COL11A1: variants seen among roughly 807,000 people sequenced by gnomAD.
The protein encoded by COL11A1 is collagen type XI alpha 1 chain, also known as collagen alpha-1(XI) chain.
In COL11A1, 74 loss-of-function variants were observed where a neutral mutation model predicts 265.2. The ratio of observed to expected loss-of-function variants is 0.28; its 90% confidence interval spans 0.23 to 0.34. The LOEUF (loss-of-function observed/expected upper bound fraction) is 0.34. Among genes scored for constraint, COL11A1 ranks in the 10% least tolerant of loss-of-function variants. COL11A1 has a pLI of 1.00. For missense variants in COL11A1, 2,165 were observed against 2,263.6 expected, an observed-to-expected ratio of 0.96 and a Z score of 0.88; for synonymous variants, 816 against 727.6, an observed-to-expected ratio of 1.12 and a Z score of -1.96.
chr1:103,004,487 C>G lies in COL11A1; in HGVS notation c.1901G>C (p.Gly634Ala). ...TCTTGGTCCAATTTCTCCATCTTCT[C>G]CCTGTCATTGACAAAATGAATGAGA... ...PGPPGDDGMR[G>A]EDGEIGPRGL... The change falls in exon 20 of 67, where the codon GGA (glycine) becomes GCA (alanine). Residue 634 changes from glycine to alanine, a missense_variant and splice_region_variant. By Grantham distance (60) the Gly-to-Ala change is moderately conservative. Transcript: ENST00000370096. 6.2e-7 allele frequency: 1 copy of G among 1,611,716 alleles called. No homozygotes were observed. The highest frequency in any genetic ancestry group is 2.2e-5 in the East Asian group (1 of 44,796).
Position 102,947,026 on chromosome 1 carries a change from C to A in COL11A1, c.3169-70G>T, listed in dbSNP as rs116404387. 2.8e-4 allele frequency: 343 copies of A among 1,228,716 alleles called. 1 individual carries two copies. The African/African-American group carries it at 4.6e-3, about 16-fold the overall frequency. The allele number at this position is 1,228,716 out of a possible 1,614,324, so 76.1% of individuals were successfully genotyped here. ...ACTGGCTTAAGAATCACTTATTTAA[C>A]AATAGCTTCTTACAGTCTAGTAAAT... On this transcript the variant is annotated intron_variant, in intron 41 of 66. Transcript: ENST00000370096.
At chr1:102,942,510 A>G (rs985096604) in intron 42 of COL11A1, among the ~76,000 whole-genome samples, 3 of 152,148 alleles carry the variant, frequency 2.0e-5, no homozygotes, top group Non-Finnish European at 4.4e-5. Flanking sequence ...TACTGGAAAC[A>G]TTCATCTCTC....
At chr1:102,990,669 A>G (rs1347721836) in intron 28 of COL11A1, among the ~76,000 whole-genome samples, 1 of 152,012 alleles carries the variant, frequency 6.6e-6, no homozygotes, top group East Asian at 1.9e-4. Context: ...CATGTGTTCA[A>G]TAAAATTAAT....
chr1:102,878,027 G>T lies in COL11A1; in HGVS notation c.5413C>A (p.Leu1805Ile). ...TGTTCTTTGTCTTAATCTTAGCCAAGAAAACAAACAGGACCAACTTCAAAT... is the reference window on the plus strand; with the variant it reads ...TGTTCTTTGTCTTAATCTTAGCCAATAAAACAAACAGGACCAACTTCAAAT... ...FGFEVGPVCF[L>I]G The change falls in exon 67 of 67, where the codon CTT becomes ATT. Residue 1805 changes from leucine to isoleucine, a missense_variant. Coordinates refer to ENST00000370096, the MANE Select transcript of COL11A1 (RefSeq NM_001854.4). 6.2e-7 allele frequency: 1 copy of T among 1,613,362 alleles called. No individual in the cohort carries two copies. The highest frequency in any genetic ancestry group is 1.1e-5 in the South Asian group (1 of 91,060).
Position 102,881,677 on chromosome 1 carries a change from A to C in COL11A1, c.5040+20T>G. On this transcript the variant is annotated intron_variant, in intron 65 of 66. Transcript: ENST00000370096. ...TCTTGAGTTCGTGAAAAATCGTTTCATGTTGAGGTAATAACATACCAGTTT... is the reference window on the plus strand; with the variant it reads ...TCTTGAGTTCGTGAAAAATCGTTTCCTGTTGAGGTAATAACATACCAGTTT... The C allele has an allele frequency of 6.3e-7, 1 of 1,592,626 alleles. No homozygotes were observed. Among genetic ancestry groups the C allele is most frequent in the Non-Finnish European group, 8.6e-7 (1 of 1,161,298 alleles).
At chr1:102,987,825 G>C (rs1022860467) in intron 29 of COL11A1, 85 bp from the exon 30 acceptor site, 7 of 944,794 alleles carry the variant, frequency 7.4e-6, no homozygotes, top group East Asian at 7.2e-5. Flanking sequence ...CAGTGAAAGA[G>C]ATCTGATATA....
At chr1:103,020,514 G>A (rs1270545766) in intron 9 of COL11A1, among the ~76,000 whole-genome samples, 371 of 40,710 alleles carry the variant, frequency 9.1e-3, no homozygotes, top group Middle Eastern at 0.017. Context: ...AGTAGGTTGC[G>A]AAAATTTTCT....
At chr1:102,970,852 A>G (rs1408238675) in intron 36 of COL11A1, among the ~76,000 whole-genome samples, 1 of 152,066 alleles carries the variant, frequency 6.6e-6, no homozygotes, top group Non-Finnish European at 1.5e-5. Flanking sequence ...CGTCTCTACT[A>G]AAAAACAAAA....
At chr1:102,996,648 T>C (rs1188877149) in intron 26 of COL11A1, among the ~76,000 whole-genome samples, 2 of 151,898 alleles carry the variant, frequency 1.3e-5, no homozygotes, top group African/African-American at 2.4e-5. Flanking sequence ...TAATCTAAAG[T>C]ACTAACATTG....
intron 64 of COL11A1, 141 bp downstream of exon 64, chr1:102,883,058 T>A (rs1650452536): frequency 1.9e-5 from 13 of 699,192 alleles, no homozygotes; most frequent in Non-Finnish European, 3.4e-5. Flanking sequence ...TATTCATGTT[T>A]ATGCAAATGA....
At chr1:102,930,304 G>A (rs1404233727) in intron 46 of COL11A1, among the ~76,000 whole-genome samples, 1 of 151,788 alleles carries the variant, frequency 6.6e-6, no homozygotes, top group African/African-American at 2.4e-5. Flanking sequence ...AGCATGAATG[G>A]TTGTTGAATT....
intron 4 of COL11A1, among the ~76,000 whole-genome samples, chr1:103,050,300 C>A (rs1423194016): frequency 6.6e-6 from 1 of 152,102 alleles, no homozygotes; most frequent in Non-Finnish European, 1.5e-5. Flanking sequence ...TTGTTCATTT[C>A]TTTTTATTCT....
chr1:103,104,592 T>C (rs1674549060), intron 1 of COL11A1, among the ~76,000 whole-genome samples: 1 of 152,120 alleles, frequency 6.6e-6, no homozygotes, highest in Non-Finnish European at 1.5e-5. Context: ...AAGCAAATTG[T>C]CACTTTAAGA....
chr1:102,965,474 C>G lies in COL11A1; in HGVS notation c.2916+13G>C. On this transcript the variant is annotated intron_variant, in intron 38 of 66. Transcript: ENST00000370096. ...AATAAATCTTGCTTGGGAAATAAAG[C>G]AAAGGAACATACCTGTGGTCCAACC... 1 of 1,612,624 alleles carries G rather than the reference C, an allele frequency of 6.2e-7. No homozygotes were observed. The highest frequency in any genetic ancestry group is 2.2e-5 in the East Asian group (1 of 44,750).
intron 3 of COL11A1, among the ~76,000 whole-genome samples, chr1:103,075,972 T>A (rs916139787): frequency 4.6e-5 from 7 of 152,118 alleles, no homozygotes; most frequent in African/African-American, 1.7e-4. Context: ...TGCCAAGAAA[T>A]CTGGGTCTTC....
intron 2 of COL11A1, among the ~76,000 whole-genome samples, chr1:103,080,250 A>G (rs1257087891): frequency 6.6e-6 from 1 of 151,924 alleles, no homozygotes; most frequent in Non-Finnish European, 1.5e-5. Context: ...AAGACAGTAC[A>G]GTATCTCAAT....
At chr1:103,083,440 C>CAG (rs5776676) in intron 1 of COL11A1, among the ~76,000 whole-genome samples, 145,676 of 152,166 alleles carry the variant, frequency 0.96, 69,829 homozygotes, top group East Asian at 0.99. Flanking sequence ...CATTTTCCAA[C>CAG]AGTTACTAAT....
intron 4 of COL11A1, among the ~76,000 whole-genome samples, chr1:103,067,043 G>A (rs1220496528): frequency 6.6e-6 from 1 of 151,814 alleles, no homozygotes; most frequent in African/African-American, 2.4e-5. Context: ...ATGGCAAAAT[G>A]AAAAGGAAGA....
At chr1:103,074,323 A>C (rs1671806028) in intron 4 of COL11A1, among the ~76,000 whole-genome samples, 1 of 152,116 alleles carries the variant, frequency 6.6e-6, no homozygotes, top group South Asian at 2.1e-4. Flanking sequence ...AAAGAAAATA[A>C]TACAAACTAC....
Sources: allele counts gnomAD v4.1 joint callset (sites outside exome capture counted in the v4.1 genomes callset), GRCh38; gene constraint gnomAD v4.1.1; transcripts MANE v1.5; gene names NCBI Gene and HGNC (gene_info 2026-07-23, HGNC 2026-07-21).